GNS: variants seen among roughly 807,000 people sequenced by gnomAD.
GNS encodes the protein N-acetylglucosamine-6-sulfatase.
GNS carries 40 observed loss-of-function variants against 69.7 expected under a neutral mutation model. The ratio of observed to expected loss-of-function variants is 0.57; its 90% CI spans 0.45 to 0.75. GNS has a LOEUF of 0.75. Among genes scored for constraint, GNS ranks in the 30% least tolerant of loss-of-function variants. The pLI is 0.00. For synonymous variants in GNS, 243 were observed against 251.6 expected (o/e 0.97, Z 0.32); for missense variants, 565 against 685.5 (o/e 0.82, Z 1.96).
chr12:64,718,535 A>G (rs559382739), intron 13 of GNS, among the ~76,000 whole-genome samples: 107 of 152,348 alleles, frequency 7.0e-4, no homozygotes, highest in African/African-American at 2.5e-3. Context: ...TGGAAATTCT[A>G]TGAATTCTAA....
intron 9 of GNS, among the ~76,000 whole-genome samples, chr12:64,732,075 C>T (rs1354044142): frequency 6.6e-6 from 1 of 151,932 alleles, no homozygotes; most frequent in African/African-American, 2.4e-5. Context: ...CAATCTCCAC[C>T]TCCTGGGTTC....
chr12:64,720,235 G>T, intron 12 of GNS, 53 bp from the exon 13 acceptor site: 1 of 1,185,880 alleles, frequency 8.4e-7, no homozygotes, highest in Non-Finnish European at 1.3e-6. Flanking sequence ...TAGCCGTGAA[G>T]AAATACTCTT....
At position 64,725,429 on chromosome 12, in the gene GNS, T is replaced by C. The variant is rs548424891; in HGVS notation, c.1201-2316A>G. 6.6e-5 allele frequency among the ~76,000 whole-genome samples: 10 copies of C among 152,348 alleles called. 1 individual carries two copies. In the South Asian group the frequency reaches 1.7e-3, roughly 25 times the overall value. ...CCAGCAGAACTTTCTGGCTGAAACA[T>C]TCTCGATCTTTGCTGTTCAATATGA... On this transcript the variant is annotated intron_variant, in intron 10 of 13. Transcript: ENST00000258145.
intron 9 of GNS, among the ~76,000 whole-genome samples, chr12:64,735,496 G>T (rs1203943276): frequency 6.6e-6 from 1 of 152,240 alleles, no homozygotes; most frequent in East Asian, 1.9e-4. Flanking sequence ...TCAGGAACCA[G>T]ACTTCATTTA....
At position 64,737,120 on chromosome 12, in the gene GNS, C is replaced by T; in HGVS notation, c.995-13G>A. On this transcript the variant is annotated splice_polypyrimidine_tract_variant and intron_variant, in intron 8 of 13. Coordinates refer to ENST00000258145, the MANE Select transcript of GNS (RefSeq NM_002076.4). ...AAGGAAAACTGTCCTGAAAACAAAA[C>T]ACACAATGTAAAGATGGAGCCAAGA... 7.6e-7 allele frequency: 1 copy of T among 1,309,356 alleles called. No individual in the cohort carries two copies. 81.1% of individuals were successfully genotyped at this position (1,309,356 alleles called of 1,614,324 possible).
At chr12:64,751,116 G>C (rs1481874205) in intron 2 of GNS, among the ~76,000 whole-genome samples, 1 of 152,144 alleles carries the variant, frequency 6.6e-6, no homozygotes, top group Admixed American at 6.5e-5. Context: ...GGGAGACTGA[G>C]ATGGAAGGAT....
At chr12:64,721,380 G>A (rs2136237158) in intron 12 of GNS, among the ~76,000 whole-genome samples, 1 of 152,342 alleles carries the variant, frequency 6.6e-6, no homozygotes, top group African/African-American at 2.4e-5. Flanking sequence ...TATTTGGGTG[G>A]TGGTGGGAGT....
At position 64,743,385 on chromosome 12, in the gene GNS, G is replaced by T. The variant is rs61447917; in HGVS notation, c.625-77C>A. 3.8e-3 allele frequency: 3,952 copies of T among 1,041,966 alleles called. 111 individuals are homozygous for T. The African/African-American group carries it at 0.053, about 14-fold the overall frequency. 64.5% of individuals were successfully genotyped at this position (1,041,966 alleles called of 1,614,324 possible). ...TTAATAGATAAATGTCTTCTGGTGA[G>T]CAGACAGTACAGGGTCTTACTAGCT... On this transcript the variant is annotated intron_variant, in intron 5 of 13. Coordinates refer to ENST00000258145, the MANE Select transcript of GNS (RefSeq NM_002076.4).
intron 13 of GNS, among the ~76,000 whole-genome samples, chr12:64,717,147 T>C (rs1368611627): frequency 2.6e-5 from 4 of 152,202 alleles, no homozygotes; most frequent in African/African-American, 9.7e-5. Context: ...ACAGTGCTTG[T>C]GTTCAAGTCA....
intron 10 of GNS, among the ~76,000 whole-genome samples, chr12:64,727,818 T>C (rs1196020324): frequency 2.0e-5 from 3 of 152,168 alleles, no homozygotes; most frequent in Non-Finnish European, 2.9e-5. Context: ...TTAGAGTGAC[T>C]AATGTGCCTG....
chr12:64,739,435 C>T lies in GNS; in HGVS notation c.940G>A (p.Gly314Arg), dbSNP rs1245116202. ...EKLVKRLEFT[G>R]ELNNTYIFYT... ...AAGATGTAAGTGTTGTTGAGCTCCC[C>T]AGTGAACTCCAGCCTCTTGACCAGT... The change falls in exon 8 of 14, where the codon GGG (glycine) becomes AGG (arginine). Residue 314 changes from glycine (G) to arginine (R), a missense_variant. This residue lies in a region of GNS where 384 missense variants were observed against 511.0 expected (regional missense o/e 0.75). Transcript: ENST00000258145. 3 of 1,609,470 alleles carry T rather than the reference C, an allele frequency of 1.9e-6. No individual in the cohort carries two copies. The Admixed American group carries it at 5.0e-5, about 27-fold the overall frequency.
chr12:64,720,736 A>C (rs1868999642), intron 12 of GNS, among the ~76,000 whole-genome samples: 1 of 152,244 alleles, frequency 6.6e-6, no homozygotes, highest in African/African-American at 2.4e-5. Flanking sequence ...TTTCTAAAAT[A>C]AGACAGGTCT....
rs11832424 is a variant in GNS, at chr12:64,717,799, G to A, written c.1581-980C>T. Among the ~76,000 whole-genome samples, 1,114 of 152,274 alleles carry A rather than the reference G, an allele frequency of 7.3e-3. 16 individuals are homozygous for A. Among genetic ancestry groups the A allele is most frequent in the African/African-American group, 0.025 (1,035 of 41,542 alleles). The stretch of plus-strand genomic sequence containing the variant: ...TTAAGATGGAAAAGGCATAAAATTT[G>A]TGGGTAGAAGACATGAACAGAAACA... On this transcript the variant is annotated intron_variant, in intron 13 of 13. Transcript: ENST00000258145.
intron 1 of GNS, among the ~76,000 whole-genome samples, chr12:64,756,204 T>C (rs1737652099): frequency 6.6e-6 from 1 of 152,248 alleles, no homozygotes; most frequent in Admixed American, 6.5e-5. Context: ...ATCTAAATCA[T>C]GTTGTAAATG....
At chr12:64,756,788 G>C in intron 1 of GNS, 2 of 1,308,208 alleles carry the variant, frequency 1.5e-6, no homozygotes, top group South Asian at 1.3e-5. Context: ...GAATTCTTGA[G>C]TTTGGAACAT....
chr12:64,727,843 T>A (rs565689495), intron 10 of GNS, among the ~76,000 whole-genome samples: 16 of 152,286 alleles, frequency 1.1e-4, no homozygotes, highest in Non-Finnish European at 1.5e-4. Context: ...TTTAGGGTGA[T>A]GAAAATGCTC....
At chr12:64,745,604 T>C (rs369090705) in intron 4 of GNS, 55 bp downstream of exon 4, 8 of 961,174 alleles carry the variant, frequency 8.3e-6, no homozygotes, top group Non-Finnish European at 1.4e-5. Flanking sequence ...AAATTAAACA[T>C]ATTCTGCATC....
intron 11 of GNS, among the ~76,000 whole-genome samples, 177 bp from the exon 12 acceptor site, chr12:64,721,882 C>T (rs991877355): frequency 1.3e-5 from 2 of 152,190 alleles, no homozygotes; most frequent in African/African-American, 4.8e-5. Flanking sequence ...GTTCCTTTGG[C>T]TAACTTGATC....
chr12:64,725,995 CAAAAAAA>C (rs34734900), intron 10 of GNS, among the ~76,000 whole-genome samples: 3 of 49,214 alleles, frequency 6.1e-5, no homozygotes, highest in African/African-American at 2.4e-4. Flanking sequence ...GACTCTGTCT[CAAAAAAA>C]AAAAAAAAAA....
Sources: allele counts gnomAD v4.1 joint callset (sites outside exome capture counted in the v4.1 genomes callset), GRCh38; gene constraint gnomAD v4.1.1; regional missense constraint gnomAD v4.1.1; transcripts MANE v1.5; gene names NCBI Gene and HGNC (gene_info 2026-07-23, HGNC 2026-07-21).